Variants in GATA2 observed in about 807,000 individuals in gnomAD.
GATA2 encodes the protein endothelial transcription factor GATA-2.
Under a neutral mutation model 35.7 loss-of-function variants are expected in GATA2, and 6 were observed. That is an observed-to-expected ratio of 0.17 (90% CI 0.09 to 0.33). The LOEUF is 0.33. GATA2 is among the 10% of genes least tolerant of loss of function. The pLI, the probability that GATA2 is intolerant of heterozygous loss-of-function variation, is 1.00. For missense variants in GATA2, 541 were observed against 656.6 expected, an observed-to-expected ratio of 0.82 and a Z score of 1.92; for synonymous variants, 313 against 274.9, an observed-to-expected ratio of 1.14 and a Z score of -1.37.
chr3:128,485,033 T>C (rs1050459352), intron 3 of GATA2, among the ~76,000 whole-genome samples: 1 of 152,208 alleles, frequency 6.6e-6, no homozygotes, highest in Non-Finnish European at 1.5e-5. Context: ...TTATGCTCTG[T>C]GGCCAGATTC....
At chr3:128,482,923 G>A (rs2107669605) in intron 4 of GATA2, among the ~76,000 whole-genome samples, 1 of 152,364 alleles carries the variant, frequency 6.6e-6, no homozygotes, top group African/African-American at 2.4e-5. Flanking sequence ...TGGGGGCTGA[G>A]GCCTGCAGAG....
rs140047487 is a variant in GATA2, at chr3:128,486,856, T to C, written c.176A>G (p.Tyr59Cys). ...FNHLDSQGNP[Y>C]YANPAHARAR... is the part of the protein sequence containing the mutation. ...CCGCGCGTGAGCGGGGTTGGCATAGTAGGGGTTGCCCTGCGAGTCGAGGTG... is the reference window on the plus strand; with the variant it reads ...CCGCGCGTGAGCGGGGTTGGCATAGCAGGGGTTGCCCTGCGAGTCGAGGTG... Residue 59 changes from tyrosine to cysteine, a missense_variant, in exon 2 of 6, where the codon TAC (tyrosine) becomes TGC (cysteine). Physicochemically the swap from Tyr to Cys is radical, Grantham distance 194 (BLOSUM62 -2). This residue lies in a region of GATA2 where 389 missense variants were observed against 396.9 expected (regional missense o/e 0.98). Coordinates refer to ENST00000341105, the MANE Select transcript of GATA2 (RefSeq NM_032638.5). The C allele has an allele frequency of 4.3e-5, 69 of 1,612,190 alleles. No individual in the cohort carries two copies. Among genetic ancestry groups the C allele is most frequent in the Non-Finnish European group, 5.3e-5 (62 of 1,179,500 alleles).
At chr3:128,483,424 T>A (rs1270175699) in intron 4 of GATA2, among the ~76,000 whole-genome samples, 1 of 152,088 alleles carries the variant, frequency 6.6e-6, no homozygotes, top group Non-Finnish European at 1.5e-5. Flanking sequence ...CATGGAAAAA[T>A]AATAAAGGGC....
chr3:128,484,463 C>A (rs2068669682), intron 3 of GATA2, among the ~76,000 whole-genome samples: 1 of 152,144 alleles, frequency 6.6e-6, no homozygotes, highest in African/African-American at 2.4e-5. Context: ...GTGTCTGCCC[C>A]ACCCCGTCTT....
In GATA2 at chr3:128,491,823, AC is replaced by A. The variant is rs1343857552; in HGVS notation, c.-46+1075del. Among the ~76,000 whole-genome samples, 7 of 151,864 alleles carry A rather than the reference AC, an allele frequency of 4.6e-5. No individual in the cohort carries two copies. The East Asian group carries it at 1.4e-3, about 30-fold the overall frequency. On this transcript the variant is annotated intron_variant, in intron 1 of 5. Coordinates refer to ENST00000341105, the MANE Select transcript of GATA2 (RefSeq NM_032638.5). ...AGGCTCCCCGCGGAACCCTGCTGAG[AC>A]CCGGAGACAATCGGGCCGTGCTTCT...
intron 4 of GATA2, among the ~76,000 whole-genome samples, chr3:128,482,916 G>A (rs946414559): frequency 5.3e-5 from 8 of 152,348 alleles, no homozygotes; most frequent in Non-Finnish European, 1.0e-4. Context: ...GGGGGGCTGG[G>A]GGCTGAGGCC....
At position 128,479,963 on chromosome 3, in the gene GATA2, G is replaced by A. The variant is rs2068603257; in HGVS notation, c.*1056C>T. On this transcript the variant is annotated 3_prime_UTR_variant, in exon 6 of 6. Transcript: ENST00000341105. ...CCCCCAGAAACCAAGGGCAGCAAAG[G>A]CCCCTCCCCACCCCCAGCTTTCATA... 4.3e-6 allele frequency: 1 copy of A among 232,656 alleles called. No individual in the cohort carries two copies. The highest frequency in any genetic ancestry group is 8.5e-6 in the Non-Finnish European group (1 of 117,754). The allele number at this position is 232,656 out of a possible 1,614,324, so 14.4% of individuals were successfully genotyped here. A position where few individuals can be genotyped will look rare whatever the true frequency, so the allele number is the denominator to read the frequency against.
chr3:128,491,208 G>GGC, intron 1 of GATA2, among the ~76,000 whole-genome samples: 1 of 107,460 alleles, frequency 9.3e-6, no homozygotes, highest in African/African-American at 4.1e-5. Context: ...CGGCCGTCCA[G>GGC]CCCCCCCCCC....
In GATA2 at chr3:128,483,337, T is replaced by G. The variant is rs2068654382; in HGVS notation, c.1017+523A>C. ...TATCTTCAGGCTGCAGATGTCCGGA[T>G]AGGAAACTCCGGCAGGAGATCCGAA... On this transcript the variant is annotated intron_variant, in intron 4 of 5. Coordinates refer to ENST00000341105, the MANE Select transcript of GATA2 (RefSeq NM_032638.5). Among the ~76,000 whole-genome samples, 1 of 152,168 alleles carries G rather than the reference T, an allele frequency of 6.6e-6. No homozygotes were observed. The highest frequency in any genetic ancestry group is 1.5e-5 in the Non-Finnish European group (1 of 68,028).
intron 5 of GATA2, 103 bp downstream of exon 5, chr3:128,481,716 A>G: frequency 7.0e-7 from 1 of 1,428,682 alleles, no homozygotes; most frequent in Non-Finnish European, 9.5e-7. Context: ...CAGCTTCCCA[A>G]GCCAAGCCAA....
rs768357019 is a variant in GATA2 at position 128,486,942 on chromosome 3, C to G, written c.90G>C (p.Ala30=). The change falls in exon 2 of 6, where the codon GCG becomes GCC. Residue 30 remains alanine (A), a synonymous_variant. Transcript: ENST00000341105. The part of the protein sequence containing the change: ...QHPDSHHPGL[A]HNYMEPAQLL... Reference sequence around the variant, plus strand: ...GCTGCGCGGGTTCCATGTAGTTGTGCGCCAGGCCCGGGTGGTGTGAGTCGG... The same window carrying G: ...GCTGCGCGGGTTCCATGTAGTTGTGGGCCAGGCCCGGGTGGTGTGAGTCGG... 2 of 1,612,724 alleles carry G rather than the reference C, an allele frequency of 1.2e-6. No homozygotes were observed. Among genetic ancestry groups the G allele is most frequent in the Non-Finnish European group, 1.7e-6 (2 of 1,179,568 alleles).
intron 5 of GATA2, 125 bp from the exon 6 acceptor site, chr3:128,481,443 G>C: frequency 9.5e-7 from 1 of 1,055,206 alleles, no homozygotes; most frequent in Non-Finnish European, 1.4e-6. Flanking sequence ...AATTGTGCCC[G>C]ACCTTCATAG....
At position 128,481,192 on chromosome 3, in the gene GATA2, TCTC is replaced by T. The variant is rs1278525191; in HGVS notation, c.1267_1269del (p.Glu423del). ...GCAGCTGCACTGAAGGGGGATGACT[TCTC>T]CTGCATGCACTTTGACAGCTCCTCG... On this transcript the variant is annotated inframe_deletion, in exon 6 of 6. Transcript: ENST00000341105. 2 of 1,613,952 alleles carry T rather than the reference TCTC, an allele frequency of 1.2e-6. No homozygotes were observed. Among genetic ancestry groups the T allele is most frequent in the Admixed American group, 1.7e-5 (1 of 59,994 alleles).
chr3:128,483,407 G>A (rs1047204010), intron 4 of GATA2, among the ~76,000 whole-genome samples: 1 of 152,220 alleles, frequency 6.6e-6, no homozygotes. Flanking sequence ...CACAGTATAG[G>A]TGACTCCATG....
chr3:128,485,655 C>T, intron 3 of GATA2, 72 bp downstream of exon 3: 1 of 1,551,196 alleles, frequency 6.4e-7, no homozygotes, highest in East Asian at 2.4e-5. Context: ...CCACCTCTCC[C>T]AAGTCACAGC....
At chr3:128,483,007 T>C (rs1306586816) in intron 4 of GATA2, among the ~76,000 whole-genome samples, 2 of 151,578 alleles carry the variant, frequency 1.3e-5, no homozygotes, top group Admixed American at 6.6e-5. Flanking sequence ...CAGGGAGGGG[T>C]GAGTAAGCAG....
At position 128,480,706 on chromosome 3, in the gene GATA2, T is replaced by C; in HGVS notation, c.*313A>G. The C allele has an allele frequency of 1.6e-5, 6 of 383,518 alleles. No homozygotes were observed. The highest frequency in any genetic ancestry group is 3.8e-5 in the East Asian group (1 of 26,174). 23.8% of individuals were successfully genotyped at this position (383,518 alleles called of 1,614,324 possible). ...ATAAATTATTTTTGCCTAATCCTTT[T>C]TCCTTCTAAAAATGGTTGCCTTCGT... is the stretch of plus-strand genomic sequence containing the variant. On this transcript the variant is annotated 3_prime_UTR_variant, in exon 6 of 6. Coordinates refer to ENST00000341105, the MANE Select transcript of GATA2 (RefSeq NM_032638.5).
At chr3:128,492,304 C>T (rs1313619588) in intron 1 of GATA2, 1 of 152,258 alleles carries the variant, frequency 6.6e-6, no homozygotes, top group Non-Finnish European at 1.5e-5. Context: ...GGCAGATCTT[C>T]AAGCCCGCGG....
intron 1 of GATA2, 26 bp from the exon 2 acceptor site, chr3:128,487,102 G>T: frequency 7.6e-7 from 1 of 1,317,450 alleles, no homozygotes; most frequent in Non-Finnish European, 1.0e-6. Context: ...GGAGTGAGGC[G>T]TGCCGCCAGC....
Sources: allele counts gnomAD v4.1 joint callset (sites outside exome capture counted in the v4.1 genomes callset), GRCh38; gene constraint gnomAD v4.1.1; regional missense constraint gnomAD v4.1.1; transcripts MANE v1.5; gene names NCBI Gene and HGNC (gene_info 2026-07-23, HGNC 2026-07-21).